EFNA2: variants seen among roughly 807,000 people sequenced by gnomAD.
EFNA2 encodes ephrin A2, also known as ephrin-A2.
A neutral mutation model predicts 19.7 loss-of-function variants in EFNA2; 18 were observed. That is an observed-to-expected ratio of 0.91 (90% CI 0.63 to 1.35). EFNA2 has a LOEUF of 1.35. EFNA2 is among the 40% of genes most tolerant of loss of function. The pLI is 0.00. For synonymous variants in EFNA2, 187 were observed against 137.8 expected (o/e 1.36, Z -2.50); for missense variants, 303 against 296.0 (o/e 1.02, Z -0.17).
chr19:1,289,380 G>A (rs1158659518), intron 1 of EFNA2, among the ~76,000 whole-genome samples: 1 of 152,234 alleles, frequency 6.6e-6, no homozygotes, highest in Admixed American at 6.5e-5. Flanking sequence ...GCATGTAAGT[G>A]TGTCTCCCTG....
Position 1,294,192 on chromosome 19 carries a change from G to A in EFNA2, c.141-1353G>A, listed in dbSNP as rs932147783. Among the ~76,000 whole-genome samples the A allele has an allele frequency of 7.9e-5, 12 of 152,220 alleles. No individual in the cohort carries two copies. Among genetic ancestry groups the A allele is most frequent in the Non-Finnish European group, 1.8e-4 (12 of 68,024 alleles). On this transcript the variant is annotated intron_variant, in intron 1 of 3. Coordinates refer to ENST00000215368, the MANE Select transcript of EFNA2 (RefSeq NM_001405.4). This position sits in a 1 kb window ranked among gnomAD's most constrained non-coding sequence, Gnocchi z 5.8. ...ATTCCTCCCTGTTCAGGTCTTTTAT[G>A]TGCTAATAAGCCCCTCTCAGGGCCC...
chr19:1,292,538 G>T (rs898937633), intron 1 of EFNA2, among the ~76,000 whole-genome samples: 17 of 152,212 alleles, frequency 1.1e-4, no homozygotes, highest in African/African-American at 4.1e-4. Flanking sequence ...GATATGGGGC[G>T]GGGCACAGGG....
chr19:1,285,752 CGG>C (rs1020672170), upstream of EFNA2, among the ~76,000 whole-genome samples: 2 of 146,686 alleles, frequency 1.4e-5, no homozygotes, highest in African/African-American at 4.9e-5. The surrounding 1 kb of genome is among the most constrained non-coding windows in gnomAD (Gnocchi z 4.1). Flanking sequence ...GAGCCTGAGA[CGG>C]GGTGGGCCGG....
intron 1 of EFNA2, among the ~76,000 whole-genome samples, chr19:1,292,268 G>A (rs914173542): frequency 3.9e-5 from 6 of 152,238 alleles, no homozygotes; most frequent in Admixed American, 2.0e-4. Flanking sequence ...TTTTAGAGAC[G>A]CAAAGGGAAA....
chr19:1,289,425 G>C (rs1004903198), intron 1 of EFNA2, among the ~76,000 whole-genome samples: 1 of 152,222 alleles, frequency 6.6e-6, no homozygotes, highest in African/African-American at 2.4e-5. Flanking sequence ...CCTGCAATGT[G>C]GGGGCAGTGG....
chr19:1,291,630 A>G (rs2081491900), intron 1 of EFNA2, among the ~76,000 whole-genome samples: 1 of 152,064 alleles, frequency 6.6e-6, no homozygotes, highest in Non-Finnish European at 1.5e-5. Context: ...GCAGGCGTCC[A>G]CCTGCCCACC....
In EFNA2 at chr19:1,297,488, T is replaced by C. The variant is rs1320789087; in HGVS notation, c.455-1063T>C. Among the ~76,000 whole-genome samples, 1 of 152,082 alleles carries C rather than the reference T, an allele frequency of 6.6e-6. No homozygotes were observed. Among genetic ancestry groups the C allele is most frequent in the Non-Finnish European group, 1.5e-5 (1 of 67,998 alleles). ...CATGCTTTTTATCTTCATCTTCCAG[T>C]GTGAGGGGTTTCTAGGGGGCGGGCA... On this transcript the variant is annotated intron_variant, in intron 2 of 3. Coordinates refer to ENST00000215368, the MANE Select transcript of EFNA2 (RefSeq NM_001405.4). The surrounding 1 kb of genome is among the most constrained non-coding windows in gnomAD (Gnocchi z 5.0).
intron 1 of EFNA2, among the ~76,000 whole-genome samples, chr19:1,288,986 TG>T (rs2081479034): frequency 6.6e-6 from 1 of 152,222 alleles, no homozygotes; most frequent in African/African-American, 2.4e-5. Context: ...CCTGGCCGGC[TG>T]CCCTCACCTG....
chr19:1,285,831 G>T (rs1393422807), upstream of EFNA2, among the ~76,000 whole-genome samples: 2 of 147,868 alleles, frequency 1.4e-5, no homozygotes, highest in African/African-American at 4.9e-5. This position sits in a 1 kb window ranked among gnomAD's most constrained non-coding sequence, Gnocchi z 4.1. Flanking sequence ...CGGCGGGAGG[G>T]GGCGCCCGCG....
At position 1,295,530 on chromosome 19, in the gene EFNA2, G is replaced by A. The variant is rs755960258; in HGVS notation, c.141-15G>A. ...TCGCTCCGGGCGCTGACCTCTGGCCGCCTTGTCCCCGCAGGTTCCACGCAG... is the reference window on the plus strand; with the variant it reads ...TCGCTCCGGGCGCTGACCTCTGGCCACCTTGTCCCCGCAGGTTCCACGCAG... On this transcript the variant is annotated splice_polypyrimidine_tract_variant and intron_variant, in intron 1 of 3. Coordinates refer to ENST00000215368, the MANE Select transcript of EFNA2 (RefSeq NM_001405.4). This position sits in a 1 kb window ranked among gnomAD's most constrained non-coding sequence, Gnocchi z 5.8. 1.2e-5 allele frequency: 18 copies of A among 1,564,282 alleles called. No homozygotes were observed. In the Admixed American group the frequency reaches 2.8e-4, roughly 25 times the overall value.
chr19:1,299,745 C>A, intron 3 of EFNA2, 79 bp from the exon 4 acceptor site: 1 of 1,495,518 alleles, frequency 6.7e-7, no homozygotes, highest in Non-Finnish European at 8.9e-7. Context: ...GGCAGATGTG[C>A]ACCCTGAGGG....
chr19:1,293,415 G>T (rs1427363020), intron 1 of EFNA2, among the ~76,000 whole-genome samples: 1 of 152,252 alleles, frequency 6.6e-6, no homozygotes, highest in Non-Finnish European at 1.5e-5. Flanking sequence ...ATCTGAGCCT[G>T]TATGGGGGCT....
intron 1 of EFNA2, among the ~76,000 whole-genome samples, chr19:1,290,257 C>T (rs990576907): frequency 6.6e-6 from 1 of 152,110 alleles, no homozygotes; most frequent in African/African-American, 2.4e-5. Context: ...ATGCTTCTGC[C>T]GAGGCACCAT....
At position 1,298,611 on chromosome 19, in the gene EFNA2, C is replaced by T. The variant is rs1381677712; in HGVS notation, c.515C>T (p.Pro172Leu). 15 of 1,613,862 alleles carry T rather than the reference C, an allele frequency of 9.3e-6. No individual in the cohort carries two copies. The highest frequency in any genetic ancestry group is 2.2e-5 in the East Asian group (1 of 44,868). The change falls in exon 3 of 4, where the codon CCG (proline) becomes CTG (leucine). Residue 172 changes from proline (P) to leucine (L), a missense_variant. By Grantham distance (98) the Pro-to-Leu change is moderately conservative. Transcript: ENST00000215368. ...PCLRLKVYVR[P>L]TNETLYEAPE... ...CTGCGACTGAAGGTGTACGTGCGGC[C>T]GACCAGTAAGTGCTCAGGGGGATGG... is the stretch of plus-strand genomic sequence containing the variant.
Position 1,296,315 on chromosome 19 carries a change from C to T in EFNA2, c.454+457C>T, listed in dbSNP as rs964582780. On this transcript the variant is annotated intron_variant, in intron 2 of 3. Coordinates refer to ENST00000215368, the MANE Select transcript of EFNA2 (RefSeq NM_001405.4). This position sits in a 1 kb window ranked among gnomAD's most constrained non-coding sequence, Gnocchi z 4.4. ...CCCCCGATAGCGAGACCAGGGTGCC[C>T]GAGCCCCAGCACACTGATGAGGGAA... is the stretch of plus-strand genomic sequence containing the variant. 1.5e-4 allele frequency among the ~76,000 whole-genome samples: 23 copies of T among 152,088 alleles called. No homozygotes were observed. Among genetic ancestry groups the T allele is most frequent in the Admixed American group, 1.3e-3 (20 of 15,278 alleles).
chr19:1,286,236 TCG>T lies in EFNA2; in HGVS notation c.76_77del (p.Ala26ArgfsTer41). 1.8e-6 allele frequency: 2 copies of T among 1,124,918 alleles called. No individual in the cohort carries two copies. The highest frequency in any genetic ancestry group is 2.2e-6 in the Non-Finnish European group (2 of 905,730). The allele number at this position is 1,124,918 out of a possible 1,614,324, so 69.7% of individuals were successfully genotyped here. On this transcript the variant is annotated frameshift_variant, in exon 1 of 4. Coordinates refer to ENST00000215368, the MANE Select transcript of EFNA2 (RefSeq NM_001405.4). LOFTEE classifies it high-confidence loss of function. The surrounding 1 kb of genome is among the most constrained non-coding windows in gnomAD (Gnocchi z 5.6). ...CTGTTACCGCTGCCGCCGCCGCCCT[TCG>T]CGCGCGCCGAGGACGCCGCCCGCGC...
At position 1,295,864 on chromosome 19, in the gene EFNA2, T is replaced by C; in HGVS notation, c.454+6T>C. 1 of 1,415,128 alleles carries C rather than the reference T, an allele frequency of 7.1e-7. No homozygotes were observed. Among genetic ancestry groups the C allele is most frequent in the Non-Finnish European group, 9.3e-7 (1 of 1,071,384 alleles). The allele number at this position is 1,415,128 out of a possible 1,614,324, so 87.7% of individuals were successfully genotyped here. A position where few individuals can be genotyped will look rare whatever the true frequency, so the allele number is the denominator to read the frequency against. On this transcript the variant is annotated splice_donor_region_variant and intron_variant, in intron 2 of 3. Transcript: ENST00000215368. The surrounding 1 kb of genome is among the most constrained non-coding windows in gnomAD (Gnocchi z 5.8). The stretch of plus-strand genomic sequence containing the variant: ...CCACGAGTATTACTACATCTGTGAG[T>C]GGGGTCGGGCCGGGGCTGCCGGGGC...
At position 1,295,922 on chromosome 19, in the gene EFNA2, G is replaced by T. The variant is rs911050035; in HGVS notation, c.454+64G>T. 2.9e-3 allele frequency: 2,592 copies of T among 887,698 alleles called. 9 individuals carry two copies. The highest frequency in any genetic ancestry group is 3.8e-3 in the Non-Finnish European group (2,405 of 636,264). 55.0% of individuals were successfully genotyped at this position (887,698 alleles called of 1,614,324 possible). A position where few individuals can be genotyped will look rare whatever the true frequency, so the allele number is the denominator to read the frequency against. On this transcript the variant is annotated intron_variant, in intron 2 of 3. Coordinates refer to ENST00000215368, the MANE Select transcript of EFNA2 (RefSeq NM_001405.4). The surrounding 1 kb of genome is among the most constrained non-coding windows in gnomAD (Gnocchi z 5.8). Reference sequence around the variant, plus strand: ...GGCGGGGACGCGGGGGCGGGGCCAGGAAGTGGGCGGGACCACTGGGGTGGG... The same window carrying T: ...GGCGGGGACGCGGGGGCGGGGCCAGTAAGTGGGCGGGACCACTGGGGTGGG...
In EFNA2 at chr19:1,296,682, C is replaced by G. The variant is rs1413106349; in HGVS notation, c.454+824C>G. ...GAAAAAAACCCCACAGGGCCCCTGC[C>G]GCACCAGCCGCACCCAGACTGGGTA... On this transcript the variant is annotated intron_variant, in intron 2 of 3. Coordinates refer to ENST00000215368, the MANE Select transcript of EFNA2 (RefSeq NM_001405.4). The surrounding 1 kb of genome is among the most constrained non-coding windows in gnomAD (Gnocchi z 4.4). Among the ~76,000 whole-genome samples, 1 of 152,138 alleles carries G rather than the reference C, an allele frequency of 6.6e-6. No individual in the cohort carries two copies. The highest frequency in any genetic ancestry group is 1.5e-5 in the Non-Finnish European group (1 of 68,020).
Sources: gnomAD v4.1 joint callset for allele counts (sites outside exome capture counted in the v4.1 genomes callset) on GRCh38, gnomAD v4.1.1 for gene constraint, Gnocchi (gnomAD v3.1) non-coding constraint, MANE v1.5 for transcripts, NCBI Gene and HGNC (gene_info 2026-07-23, HGNC 2026-07-21) for gene names.